Variants in NRXN3 observed in about 807,000 individuals in gnomAD.
NRXN3 encodes neurexin 3, also known as neurexin III.
Under a neutral mutation model 137.6 loss-of-function variants are expected in NRXN3, and 32 were observed. That is an observed-to-expected ratio of 0.23 (90% CI 0.18 to 0.31). The LOEUF (loss-of-function observed/expected upper bound fraction) is 0.31, where lower values mean the gene tolerates loss of function less well. NRXN3 is among the 10% of genes least tolerant of loss of function. NRXN3 has a pLI of 1.00. For missense variants in NRXN3, 1,574 were observed against 2,062.5 expected (o/e 0.76, Z 4.59); for synonymous variants, 798 against 784.5 (o/e 1.02, Z -0.29).
intron 4 of NRXN3, among the ~76,000 whole-genome samples, chr14:78,518,441 C>T (rs1229342820): frequency 1.3e-5 from 2 of 151,930 alleles, no homozygotes; most frequent in South Asian, 2.1e-4. Flanking sequence ...GAAAGTGTGC[C>T]TAATTTGACT....
At chr14:79,045,392 C>T (rs1211247039) in intron 15 of NRXN3, among the ~76,000 whole-genome samples, 2 of 152,150 alleles carry the variant, frequency 1.3e-5, no homozygotes, top group Non-Finnish European at 2.9e-5. Context: ...GGTATGACAG[C>T]TTGATGGGAC....
At chr14:79,441,135 A>T (rs2095934694) in intron 15 of NRXN3, among the ~76,000 whole-genome samples, 1 of 152,166 alleles carries the variant, frequency 6.6e-6, no homozygotes, top group South Asian at 2.1e-4. Context: ...TTCCCTTGTT[A>T]GGAAAATCAC....
intron 4 of NRXN3, among the ~76,000 whole-genome samples, chr14:78,506,271 T>C (rs2095988142): frequency 1.3e-5 from 2 of 152,146 alleles, no homozygotes; most frequent in Admixed American, 1.3e-4. Flanking sequence ...CCAGTTTCAT[T>C]CGTGTTGCAA....
intron 15 of NRXN3, among the ~76,000 whole-genome samples, chr14:79,212,425 G>A (rs2067812988): frequency 6.6e-6 from 1 of 152,122 alleles, no homozygotes; most frequent in Non-Finnish European, 1.5e-5. Flanking sequence ...CCATTAACTT[G>A]CCTGGGGGAA....
intron 6 of NRXN3, among the ~76,000 whole-genome samples, chr14:78,691,572 T>C (rs1365556925): frequency 6.6e-6 from 1 of 152,208 alleles, no homozygotes; most frequent in African/African-American, 2.4e-5. Context: ...AGGGACACTC[T>C]AGTCAGATTC....
chr14:79,663,644 T>G, intron 16 of NRXN3, 134 bp from the exon 17 acceptor site: 1 of 714,454 alleles, frequency 1.4e-6, no homozygotes, highest in Admixed American at 2.9e-5. Flanking sequence ...TGTAGAATGC[T>G]ATTATTATCT....
chr14:78,596,802 A>C (rs1370167511), intron 4 of NRXN3, among the ~76,000 whole-genome samples: 1 of 152,208 alleles, frequency 6.6e-6, no homozygotes, highest in Non-Finnish European at 1.5e-5. Context: ...CTTTAGGAGT[A>C]ATATAATAAC....
intron 19 of NRXN3, among the ~76,000 whole-genome samples, chr14:79,775,137 C>G (rs746679991): frequency 1.3e-5 from 2 of 151,856 alleles, no homozygotes; most frequent in Admixed American, 1.3e-4. Flanking sequence ...AATACCATAC[C>G]GTAATTCTAT....
At chr14:79,240,340 A>G (rs992644857) in intron 15 of NRXN3, among the ~76,000 whole-genome samples, 1 of 152,028 alleles carries the variant, frequency 6.6e-6, no homozygotes. Context: ...TCAGGCCCCA[A>G]AGAAGTTTTC....
At chr14:79,796,944 T>C (rs2099162771) in intron 19 of NRXN3, among the ~76,000 whole-genome samples, 3 of 152,162 alleles carry the variant, frequency 2.0e-5, no homozygotes, top group African/African-American at 7.2e-5. Context: ...TGGCAACTAA[T>C]CAGTGTTTTC....
At chr14:78,751,624 G>T (rs1416422796) in intron 8 of NRXN3, among the ~76,000 whole-genome samples, 1 of 152,126 alleles carries the variant, frequency 6.6e-6, no homozygotes, top group East Asian at 1.9e-4. Context: ...ACATAGTCTT[G>T]CCACCCCTCT....
At chr14:79,740,767 T>TATATATAA (rs2098960421) in intron 19 of NRXN3, among the ~76,000 whole-genome samples, 6 of 110,430 alleles carry the variant, frequency 5.4e-5, no homozygotes, top group African/African-American at 1.7e-4. Context: ...TATATATATA[T>TATATATAA]AACCTTACTT....
intron 15 of NRXN3, among the ~76,000 whole-genome samples, chr14:79,224,202 T>C (rs111684016): frequency 2.0e-3 from 312 of 152,202 alleles, no homozygotes; most frequent in African/African-American, 7.0e-3. Context: ...CACCCAGAGA[T>C]TGGGACTAGA....
chr14:79,643,672 C>A (rs1413802080), intron 16 of NRXN3, among the ~76,000 whole-genome samples: 1 of 134,646 alleles, frequency 7.4e-6, no homozygotes, highest in African/African-American at 2.5e-5. Context: ...GATTAGACTT[C>A]ATTTTTCTTT....
chr14:79,261,211 T>C (rs2077530072), intron 15 of NRXN3, among the ~76,000 whole-genome samples: 1 of 152,042 alleles, frequency 6.6e-6, no homozygotes, highest in Non-Finnish European at 1.5e-5. Context: ...GAGTGGACTT[T>C]GAGGGTTAAC....
chr14:79,513,114 G>T (rs1026775450), intron 16 of NRXN3, among the ~76,000 whole-genome samples: 2 of 152,232 alleles, frequency 1.3e-5, no homozygotes, highest in Admixed American at 6.5e-5. Flanking sequence ...CATAAGGATG[G>T]TGTATGTAGA....
chr14:79,712,246 T>C (rs921301853), intron 19 of NRXN3, among the ~76,000 whole-genome samples: 4 of 152,222 alleles, frequency 2.6e-5, no homozygotes, highest in Non-Finnish European at 5.9e-5. Flanking sequence ...TTCTTGACTT[T>C]TTCAGTTTGA....
intron 19 of NRXN3, among the ~76,000 whole-genome samples, chr14:79,748,704 CTTG>C (rs1172080069): frequency 4.0e-5 from 6 of 151,872 alleles, no homozygotes; most frequent in Non-Finnish European, 7.4e-5. Context: ...AAAAAATTTC[CTTG>C]TTGTTCTTTT....
At chr14:78,271,658 T>C (rs2072768387) in intron 2 of NRXN3, among the ~76,000 whole-genome samples, 1 of 152,108 alleles carries the variant, frequency 6.6e-6, no homozygotes, top group African/African-American at 2.4e-5. Context: ...ATGCCTGCCT[T>C]GGTCCTTCCT....
Sources: allele counts gnomAD v4.1 joint callset (sites outside exome capture counted in the v4.1 genomes callset), GRCh38; gene constraint gnomAD v4.1.1; transcripts MANE v1.5; gene names NCBI Gene and HGNC (gene_info 2026-07-23, HGNC 2026-07-21).